TOM1L2: variants seen among roughly 807,000 people sequenced by gnomAD.
The protein encoded by TOM1L2 is TOM1-like protein 2.
In TOM1L2, 31 loss-of-function variants were observed where a neutral mutation model predicts 67.9. The ratio of observed to expected loss-of-function variants is 0.46; its 90% confidence interval spans 0.34 to 0.62. TOM1L2 has a LOEUF of 0.62. Ranked by LOEUF, TOM1L2 falls within the 20% of genes least tolerant of loss-of-function variation. The pLI is 0.01. For synonymous variants in TOM1L2, 256 were observed against 254.0 expected, an observed-to-expected ratio of 1.01 and a Z score of -0.07; for missense variants, 606 against 663.5, an observed-to-expected ratio of 0.91 and a Z score of 0.95.
intron 1 of TOM1L2, among the ~76,000 whole-genome samples, chr17:17,933,613 C>A (rs535133400): frequency 9.9e-5 from 15 of 152,246 alleles, no homozygotes; most frequent in African/African-American, 3.6e-4. Flanking sequence ...ATTTTGAGGG[C>A]CACCACCACA....
intron 3 of TOM1L2, among the ~76,000 whole-genome samples, chr17:17,896,015 T>G (rs1460273611): frequency 6.6e-6 from 1 of 152,130 alleles, no homozygotes; most frequent in Non-Finnish European, 1.5e-5. Context: ...TTCTGGAGGT[T>G]AGCACCCTCA....
At chr17:17,942,596 T>C (rs1598381408) in intron 1 of TOM1L2, among the ~76,000 whole-genome samples, 1 of 152,102 alleles carries the variant, frequency 6.6e-6, no homozygotes, top group Non-Finnish European at 1.5e-5. Flanking sequence ...AACAACCCTA[T>C]GAGGGAGGTA....
chr17:17,964,532 T>A (rs959440991), intron 1 of TOM1L2, among the ~76,000 whole-genome samples: 3 of 152,226 alleles, frequency 2.0e-5, no homozygotes, highest in Admixed American at 6.5e-5. Context: ...TTGTGGAGAT[T>A]TTTTTCTCCT....
At chr17:17,948,055 A>G (rs974204841) in intron 1 of TOM1L2, among the ~76,000 whole-genome samples, 5 of 152,236 alleles carry the variant, frequency 3.3e-5, no homozygotes, top group African/African-American at 1.2e-4. Context: ...AAACAATTCT[A>G]AGAGATATAT....
At chr17:17,907,147 C>T (rs2039135362) in intron 2 of TOM1L2, among the ~76,000 whole-genome samples, 1 of 152,226 alleles carries the variant, frequency 6.6e-6, no homozygotes, top group Non-Finnish European at 1.5e-5. Flanking sequence ...GACACTTGGG[C>T]TGCAGAGACT....
Position 17,862,785 on chromosome 17 carries a change from C to G in TOM1L2, c.1148G>C (p.Gly383Ala), listed in dbSNP as rs1050660895. ...TCTCGTCTGGGCAAACATGTCAAAG[C>G]CGTCACGGGGATTACATTGCTGGAG... ...SSLQQCNPRD[G>A]FDMFAQTRGN... Residue 383 changes from glycine to alanine, a missense_variant, in exon 11 of 15, where the codon GGC becomes GCC. Gly to Ala is a moderately conservative substitution (Grantham distance 60). Coordinates refer to ENST00000379504, the MANE Select transcript of TOM1L2 (RefSeq NM_001082968.2). 17 of 1,614,048 alleles carry G rather than the reference C, an allele frequency of 1.1e-5. No individual in the cohort carries two copies. Among genetic ancestry groups the G allele is most frequent in the Non-Finnish European group, 1.7e-6 (2 of 1,180,062 alleles).
chr17:17,844,015 A>C lies in TOM1L2; in HGVS notation c.*3620T>G, dbSNP rs2035517160. 1 of 152,334 alleles carries C rather than the reference A, an allele frequency of 6.6e-6. No individual in the cohort carries two copies. The highest frequency in any genetic ancestry group is 2.4e-5 in the African/African-American group (1 of 41,448). The allele number at this position is 152,334 out of a possible 1,614,324, so 9.4% of individuals were successfully genotyped here. A position where few individuals can be genotyped will look rare whatever the true frequency, so the allele number is the denominator to read the frequency against. ...TGGAAACACTTCTCTCTGGGTGGGGAAGGCCTACTGTAACCCAAGTGGGTG... is the reference window on the plus strand; with the variant it reads ...TGGAAACACTTCTCTCTGGGTGGGGCAGGCCTACTGTAACCCAAGTGGGTG... On this transcript the variant is annotated 3_prime_UTR_variant, in exon 15 of 15. Coordinates refer to ENST00000379504, the MANE Select transcript of TOM1L2 (RefSeq NM_001082968.2).
chr17:17,856,844 A>G (rs781624109), intron 12 of TOM1L2, among the ~76,000 whole-genome samples: 18 of 152,198 alleles, frequency 1.2e-4, no homozygotes, highest in Non-Finnish European at 1.6e-4. Flanking sequence ...AAGGCAGGAG[A>G]GACCCTTGCA....
chr17:17,847,715 T>C lies in TOM1L2; in HGVS notation c.1444A>G (p.Met482Val). The change falls in exon 15 of 15, where the codon ATG becomes GTG. Residue 482 changes from methionine to valine, a missense_variant. By Grantham distance (21) the Met-to-Val change is conservative. This residue lies in a region of TOM1L2 where 543 missense variants were observed against 554.0 expected (regional missense o/e 0.98). Coordinates refer to ENST00000379504, the MANE Select transcript of TOM1L2 (RefSeq NM_001082968.2). ...EMVPDLPSPP[M>V]EAPAPASNPS... is the part of the protein sequence containing the mutation. ...TTTGAGGCTGGGGCAGGAGCCTCCA[T>C]GGGGGGCGAGGGGAGGTCGGGAACC... 2 of 1,613,880 alleles carry C rather than the reference T, an allele frequency of 1.2e-6. No individual in the cohort carries two copies. Among genetic ancestry groups the C allele is most frequent in the Non-Finnish European group, 8.5e-7 (1 of 1,179,968 alleles).
At chr17:17,948,187 A>C (rs996741773) in intron 1 of TOM1L2, among the ~76,000 whole-genome samples, 1 of 152,200 alleles carries the variant, frequency 6.6e-6, no homozygotes, top group African/African-American at 2.4e-5. Flanking sequence ...AAGTGTACTA[A>C]ATTCTGTTTA....
intron 1 of TOM1L2, among the ~76,000 whole-genome samples, chr17:17,956,603 GGCAT>G (rs1236620150): frequency 6.6e-6 from 1 of 152,224 alleles, no homozygotes. Flanking sequence ...GGGAGGCTCA[GGCAT>G]GGTGAGCTGC....
At chr17:17,925,854 CA>C (rs796898959) in intron 1 of TOM1L2, among the ~76,000 whole-genome samples, 3,489 of 74,088 alleles carry the variant, frequency 0.047, 99 homozygotes, top group African/African-American at 0.13. Context: ...GACCCTGTCT[CA>C]AAAAAAAAAA....
chr17:17,866,260 A>G (rs965034463), intron 10 of TOM1L2, 36 bp downstream of exon 10: 1 of 1,590,994 alleles, frequency 6.3e-7, no homozygotes, highest in Non-Finnish European at 8.6e-7. Context: ...AGTGGTAGGA[A>G]GTAGGTAGGC....
At chr17:17,854,958 AAAGG>A (rs1448866875) in intron 12 of TOM1L2, among the ~76,000 whole-genome samples, 1 of 152,194 alleles carries the variant, frequency 6.6e-6, no homozygotes, top group Non-Finnish European at 1.5e-5. Context: ...TGAAGAGAGA[AAAGG>A]AAGGAAGCTA....
intron 1 of TOM1L2, among the ~76,000 whole-genome samples, chr17:17,922,852 G>A (rs1294415295): frequency 6.6e-6 from 1 of 152,168 alleles, no homozygotes; most frequent in Non-Finnish European, 1.5e-5. Context: ...TGTCTCCAAT[G>A]CTTTTATTGC....
intron 1 of TOM1L2, 50 bp downstream of exon 1, chr17:17,972,212 C>A (rs1193630236): frequency 1.9e-6 from 3 of 1,547,272 alleles, no homozygotes; most frequent in African/African-American, 2.7e-5. Flanking sequence ...CCTCACCAGC[C>A]GGATCAGCGG....
At chr17:17,892,035 G>A (rs2038313755) in intron 4 of TOM1L2, among the ~76,000 whole-genome samples, 1 of 152,132 alleles carries the variant, frequency 6.6e-6, no homozygotes, top group Admixed American at 6.5e-5. Context: ...CGAAGAATGA[G>A]GCAGACAAAA....
At chr17:17,875,581 G>A (rs535856970) in intron 7 of TOM1L2, among the ~76,000 whole-genome samples, 1 of 152,328 alleles carries the variant, frequency 6.6e-6, no homozygotes, top group South Asian at 2.1e-4. Flanking sequence ...TCCCATTTCT[G>A]GTCCTCAACA....
intron 1 of TOM1L2, among the ~76,000 whole-genome samples, chr17:17,926,120 G>A (rs12452254): frequency 0.54 from 81,515 of 150,134 alleles, 24,194 homozygotes; most frequent in East Asian, 0.94. Flanking sequence ...GCAGTGAGTT[G>A]TGATCATACC....
Sources: gnomAD v4.1 joint callset for allele counts (sites outside exome capture counted in the v4.1 genomes callset) on GRCh38, gnomAD v4.1.1 for gene constraint, gnomAD v4.1.1 regional missense constraint, MANE v1.5 for transcripts, NCBI Gene and HGNC (gene_info 2026-07-23, HGNC 2026-07-21) for gene names.